Variants in SLC35F2 observed in about 807,000 individuals in gnomAD.
SLC35F2 encodes the protein queuine/queuosine transporter SLC35F2.
Under a neutral mutation model 38.1 loss-of-function variants are expected in SLC35F2, and 25 were observed. The ratio of observed to expected loss-of-function variants is 0.66; its 90% CI spans 0.48 to 0.92. The LOEUF (loss-of-function observed/expected upper bound fraction) is 0.92. Ranked by LOEUF, SLC35F2 falls within the 40% of genes least tolerant of loss-of-function variation. SLC35F2 has a pLI of 0.00. For synonymous variants in SLC35F2, 173 were observed against 181.7 expected, an observed-to-expected ratio of 0.95 and a Z score of 0.38; for missense variants, 409 against 452.9, an observed-to-expected ratio of 0.90 and a Z score of 0.88.
intron 1 of SLC35F2, among the ~76,000 whole-genome samples, chr11:107,844,074 C>A (rs1735976390): frequency 6.6e-6 from 1 of 151,794 alleles, no homozygotes. Flanking sequence ...CCTAGAGATA[C>A]AAATAATCCA....
chr11:107,833,072 C>T (rs1591202133), intron 1 of SLC35F2, among the ~76,000 whole-genome samples: 1 of 152,294 alleles, frequency 6.6e-6, no homozygotes, highest in East Asian at 1.9e-4. Flanking sequence ...TATTTATTTA[C>T]TTATTACATT....
chr11:107,792,506 C>G lies in SLC35F2; in HGVS notation c.*109G>C. On this transcript the variant is annotated 3_prime_UTR_variant, in exon 8 of 8. Coordinates refer to ENST00000525815, the MANE Select transcript of SLC35F2 (RefSeq NM_017515.5). ...TAAAACCTAACCACTGGATCCAACC[C>G]AGGGTTGTAGAGTGTCCATTCTGAG... 3 of 1,294,758 alleles carry G rather than the reference C, an allele frequency of 2.3e-6. No homozygotes were observed. The highest frequency in any genetic ancestry group is 3.1e-6 in the Non-Finnish European group (3 of 967,926). 80.2% of individuals were successfully genotyped at this position (1,294,758 alleles called of 1,614,324 possible).
Position 107,849,690 on chromosome 11 carries a change from T to C in SLC35F2, c.110+8968A>G, listed in dbSNP as rs948021586. The stretch of plus-strand genomic sequence containing the variant: ...ATAGGGATTGAAGGGGGAGGTGGAC[T>C]CTAGGACTATTCTGGAAGCGCTGTC... On this transcript the variant is annotated intron_variant, in intron 1 of 7. Transcript: ENST00000525815. Among the ~76,000 whole-genome samples the C allele has an allele frequency of 1.4e-4, 20 of 147,724 alleles. 1 individual carries two copies. The highest frequency in any genetic ancestry group is 1.3e-3 in the Admixed American group (19 of 14,926).
chr11:107,800,776 G>T (rs753071346), intron 7 of SLC35F2, among the ~76,000 whole-genome samples: 2 of 152,042 alleles, frequency 1.3e-5, no homozygotes, highest in African/African-American at 4.8e-5. Context: ...TGTAGGGATG[G>T]GGTTTTACCA....
intron 1 of SLC35F2, among the ~76,000 whole-genome samples, chr11:107,846,092 T>C (rs1025782861): frequency 4.6e-5 from 7 of 151,954 alleles, no homozygotes; most frequent in African/African-American, 1.7e-4. Flanking sequence ...TTATTTGGGG[T>C]CTATTTATAC....
At chr11:107,809,277 A>G (rs752729797) in intron 3 of SLC35F2, among the ~76,000 whole-genome samples, 6 of 146,880 alleles carry the variant, frequency 4.1e-5, no homozygotes, top group Non-Finnish European at 7.5e-5. Flanking sequence ...TGAGGTCAGG[A>G]GTTCGAGACC....
chr11:107,833,446 G>A (rs939796467), intron 1 of SLC35F2, among the ~76,000 whole-genome samples: 2 of 150,206 alleles, frequency 1.3e-5, no homozygotes, highest in Admixed American at 6.7e-5. Flanking sequence ...TTGAACCTGG[G>A]AGGCAGAGGT....
At position 107,814,835 on chromosome 11, in the gene SLC35F2, C is replaced by T. The variant is rs143450600; in HGVS notation, c.286+955G>A. Among the ~76,000 whole-genome samples the T allele has an allele frequency of 6.8e-3, 1,033 of 152,272 alleles. 7 individuals carry two copies. The highest frequency in any genetic ancestry group is 0.023 in the African/African-American group (965 of 41,560). ...AAAATTATCTGGGCACAGTGGCTCACGCCTATAATCCCAGCACTCTGGGAG... is the reference window on the plus strand; with the variant it reads ...AAAATTATCTGGGCACAGTGGCTCATGCCTATAATCCCAGCACTCTGGGAG... On this transcript the variant is annotated intron_variant, in intron 2 of 7. Transcript: ENST00000525815.
At chr11:107,813,589 C>A (rs1369301333) in intron 2 of SLC35F2, among the ~76,000 whole-genome samples, 3 of 152,194 alleles carry the variant, frequency 2.0e-5, no homozygotes, top group Non-Finnish European at 4.4e-5. Flanking sequence ...GGGAGTCTCA[C>A]CAAATTCCTG....
rs34376803 is a variant in SLC35F2, at chr11:107,833,518, C to CAAAAAAAAAAAAAAAAAAAAAA, written c.111-17554_111-17553insTTTTTTTTTTTTTTTTTTTTTT. On this transcript the variant is annotated intron_variant, in intron 1 of 7. Transcript: ENST00000525815. ...TGGGCATCAGAGTGAGACTCTGTCT[C>CAAAAAAAAAAAAAAAAAAAAAA]AAAAAAAAAAAAAAAAAAAGGAGAG... Among the ~76,000 whole-genome samples, 27 of 89,536 alleles carry CAAAAAAAAAAAAAAAAAAAAAA rather than the reference C, an allele frequency of 3.0e-4. 2 individuals are homozygous for CAAAAAAAAAAAAAAAAAAAAAA. Among genetic ancestry groups the CAAAAAAAAAAAAAAAAAAAAAA allele is most frequent in the African/African-American group, 9.7e-4 (20 of 20,562 alleles). 58.7% of individuals were successfully genotyped at this position (89,536 alleles called of 152,430 possible).
chr11:107,813,853 AG>A (rs1161020143), intron 2 of SLC35F2, among the ~76,000 whole-genome samples: 1 of 151,990 alleles, frequency 6.6e-6, no homozygotes, highest in East Asian at 1.9e-4. Flanking sequence ...TTTGTAGAGA[AG>A]GAGTTTCATC....
At chr11:107,797,987 TA>T (rs67085243) in intron 7 of SLC35F2, among the ~76,000 whole-genome samples, 14,147 of 136,944 alleles carry the variant, frequency 0.1, 1,624 homozygotes, top group East Asian at 0.34. Context: ...TGGTATTTTT[TA>T]TTTTTTTTTG....
chr11:107,797,490 C>A (rs4754262), intron 7 of SLC35F2, among the ~76,000 whole-genome samples: 22,783 of 151,584 alleles, frequency 0.15, 2,759 homozygotes, highest in East Asian at 0.42. Flanking sequence ...GAGTTTGAGG[C>A]CAACCTGGGC....
intron 1 of SLC35F2, among the ~76,000 whole-genome samples, chr11:107,857,390 T>G: frequency 6.6e-6 from 1 of 151,864 alleles, no homozygotes; most frequent in South Asian, 2.1e-4. Context: ...GGGAGGGAAC[T>G]GGAGCACAGA....
At chr11:107,844,530 C>CAGG (rs1565440981) in intron 1 of SLC35F2, among the ~76,000 whole-genome samples, 2 of 150,330 alleles carry the variant, frequency 1.3e-5, no homozygotes, top group Admixed American at 1.3e-4. Context: ...GAGGCGGAAG[C>CAGG]AGAATCGCTT....
At chr11:107,819,056 T>C (rs1859629395) in intron 1 of SLC35F2, among the ~76,000 whole-genome samples, 1 of 152,166 alleles carries the variant, frequency 6.6e-6, no homozygotes, top group Admixed American at 6.5e-5. Context: ...ATGGGAGCCA[T>C]CTAAGGCATC....
chr11:107,805,444 C>T lies in SLC35F2; in HGVS notation c.646G>A (p.Glu216Lys). 6.2e-7 allele frequency: 1 copy of T among 1,614,130 alleles called. No individual in the cohort carries two copies. The highest frequency in any genetic ancestry group is 8.5e-7 in the Non-Finnish European group (1 of 1,180,022). ...ASLYAISNVC[E>K]EYIVKKLSRQ... ...CTCAGCTTCTTCACGATGTATTCCT[C>T]ACAAACATTTGAAATGGCATAGAGG... Residue 216 changes from glutamate (E) to lysine (K), a missense_variant, in exon 5 of 8, where the codon GAG (glutamate) becomes AAG (lysine). Glu to Lys is a moderately conservative substitution (Grantham distance 56). Coordinates refer to ENST00000525815, the MANE Select transcript of SLC35F2 (RefSeq NM_017515.5).
chr11:107,809,532 T>C (rs1859449012), intron 3 of SLC35F2: 1 of 214,960 alleles, frequency 4.7e-6, no homozygotes, highest in Non-Finnish European at 7.9e-6. Flanking sequence ...CTCAGGAGGC[T>C]AAGGCAGGAG....
At chr11:107,816,315 T>C (rs1210694639) in intron 1 of SLC35F2, 1 of 982,998 alleles carries the variant, frequency 1.0e-6, no homozygotes, top group East Asian at 1.1e-4. Context: ...AGGGTCTTGT[T>C]CTATTGCTCA....
Sources: gnomAD v4.1 joint callset for allele counts (sites outside exome capture counted in the v4.1 genomes callset) on GRCh38, gnomAD v4.1.1 for gene constraint, MANE v1.5 for transcripts, NCBI Gene and HGNC (gene_info 2026-07-23, HGNC 2026-07-21) for gene names.